ADAMTS3: variants seen among roughly 807,000 people sequenced by gnomAD.
The protein encoded by ADAMTS3 is A disintegrin and metalloproteinase with thrombospondin motifs 3.
Under a neutral mutation model 129.0 loss-of-function variants are expected in ADAMTS3, and 73 were observed. That is an observed-to-expected ratio of 0.57 (90% CI 0.47 to 0.69). The LOEUF is 0.69. Ranked by LOEUF, ADAMTS3 falls within the 30% of genes least tolerant of loss-of-function variation. ADAMTS3 has a pLI of 0.00. For missense variants in ADAMTS3, 1,457 were observed against 1,514.5 expected (o/e 0.96, Z 0.63); for synonymous variants, 477 against 510.8 (o/e 0.93, Z 0.89).
At chr4:72,292,590 T>G (rs1718702738) in intron 19 of ADAMTS3, among the ~76,000 whole-genome samples, 2 of 152,180 alleles carry the variant, frequency 1.3e-5, no homozygotes, top group African/African-American at 4.8e-5. Context: ...ACTCTCCAAA[T>G]CAGCTGTGGA....
chr4:72,412,039 T>C (rs933547607), intron 4 of ADAMTS3, among the ~76,000 whole-genome samples: 1 of 152,106 alleles, frequency 6.6e-6, no homozygotes, highest in Non-Finnish European at 1.5e-5. Flanking sequence ...GAAATGTAGC[T>C]AGCCAATTAC....
intron 4 of ADAMTS3, among the ~76,000 whole-genome samples, chr4:72,395,812 TTGTGTG>T (rs149262244): frequency 6.7e-6 from 1 of 150,354 alleles, no homozygotes; most frequent in Non-Finnish European, 1.5e-5. Context: ...AGTAGTATAT[TTGTGTG>T]TGTGTGTGTG....
chr4:72,478,246 G>T (rs1235724775), intron 3 of ADAMTS3, among the ~76,000 whole-genome samples: 1 of 152,000 alleles, frequency 6.6e-6, no homozygotes, highest in African/African-American at 2.4e-5. Context: ...CTAAAAAAGA[G>T]AATTTTAGAC....
intron 4 of ADAMTS3, among the ~76,000 whole-genome samples, chr4:72,403,491 A>G (rs1467960913): frequency 6.6e-6 from 1 of 152,088 alleles, no homozygotes; most frequent in Non-Finnish European, 1.5e-5. Flanking sequence ...AGTAGTATTA[A>G]GATCCCAAAT....
At chr4:72,339,192 A>G (rs1377054438) in intron 5 of ADAMTS3, among the ~76,000 whole-genome samples, 1 of 152,164 alleles carries the variant, frequency 6.6e-6, no homozygotes, top group Non-Finnish European at 1.5e-5. Flanking sequence ...TTATCCCCAG[A>G]ACAAAATAAA....
intron 2 of ADAMTS3, among the ~76,000 whole-genome samples, chr4:72,549,992 GA>G (rs1721581552): frequency 1.2e-4 from 1 of 8,064 alleles, no homozygotes; most frequent in African/African-American, 6.6e-4. Context: ...AGAAGAAGAA[GA>G]GGAAGAGGAA....
At chr4:72,315,791 C>A in intron 11 of ADAMTS3, 67 bp downstream of exon 11, 1 of 1,065,114 alleles carries the variant, frequency 9.4e-7, no homozygotes, top group Non-Finnish European at 1.4e-6. Flanking sequence ...TACCATTTTC[C>A]AGACCTTTAA....
chr4:72,489,895 G>A (rs993442361), intron 3 of ADAMTS3, among the ~76,000 whole-genome samples: 2 of 151,786 alleles, frequency 1.3e-5, no homozygotes, highest in African/African-American at 2.4e-5. Context: ...AAAGTAGATC[G>A]CTGGAATATA....
At chr4:72,350,628 A>T (rs558633574) in intron 4 of ADAMTS3, among the ~76,000 whole-genome samples, 64 of 152,072 alleles carry the variant, frequency 4.2e-4, no homozygotes, top group African/African-American at 1.5e-3. Flanking sequence ...TGTAAGATTT[A>T]TTAGGTGGGG....
At chr4:72,517,406 G>C (rs1386873012) in intron 3 of ADAMTS3, among the ~76,000 whole-genome samples, 1 of 152,220 alleles carries the variant, frequency 6.6e-6, no homozygotes, top group Non-Finnish European at 1.5e-5. Context: ...GTTTCAGAAA[G>C]AATGGTACCA....
intron 6 of ADAMTS3, among the ~76,000 whole-genome samples, chr4:72,322,078 A>C (rs1304133964): frequency 6.6e-6 from 1 of 152,198 alleles, no homozygotes; most frequent in Non-Finnish European, 1.5e-5. Flanking sequence ...TAATAAAATC[A>C]GTTTCCTTTT....
chr4:72,484,007 G>A (rs925040764), intron 3 of ADAMTS3, among the ~76,000 whole-genome samples: 1 of 151,808 alleles, frequency 6.6e-6, no homozygotes, highest in Non-Finnish European at 1.5e-5. Flanking sequence ...GACAGAGCAG[G>A]ACTCCGTCTC....
intron 3 of ADAMTS3, among the ~76,000 whole-genome samples, chr4:72,456,327 GTA>G (rs1718613200): frequency 6.9e-6 from 1 of 144,684 alleles, no homozygotes; most frequent in African/African-American, 2.6e-5. Context: ...TTTATATATA[GTA>G]TATATACTGT....
At chr4:72,366,567 G>A (rs1720873995) in intron 4 of ADAMTS3, among the ~76,000 whole-genome samples, 1 of 151,934 alleles carries the variant, frequency 6.6e-6, no homozygotes, top group Non-Finnish European at 1.5e-5. Context: ...TTTAACATAC[G>A]CTGTTATTTA....
chr4:72,315,178 T>C (rs1034347537), intron 11 of ADAMTS3, among the ~76,000 whole-genome samples: 6 of 152,220 alleles, frequency 3.9e-5, no homozygotes, highest in African/African-American at 1.4e-4. Flanking sequence ...CAGATCCCAC[T>C]ACCAGGGGGC....
intron 3 of ADAMTS3, among the ~76,000 whole-genome samples, chr4:72,419,276 A>C (rs1320942280): frequency 6.6e-6 from 1 of 152,200 alleles, no homozygotes; most frequent in African/African-American, 2.4e-5. Context: ...TAAGGCACAT[A>C]TATCTAGCTT....
At chr4:72,300,939 T>A (rs1718934803) in intron 17 of ADAMTS3, among the ~76,000 whole-genome samples, 1 of 152,200 alleles carries the variant, frequency 6.6e-6, no homozygotes, top group South Asian at 2.1e-4. Flanking sequence ...CTAGCCACAG[T>A]TGACAGCAAA....
Position 72,532,490 on chromosome 4 carries a change from T to TGC in ADAMTS3, c.504+15986_504+15987dup, listed in dbSNP as rs1164212250. Among the ~76,000 whole-genome samples, 11 of 80,720 alleles carry TGC rather than the reference T, an allele frequency of 1.4e-4. No individual in the cohort carries two copies. In the East Asian group the frequency reaches 2.0e-3, roughly 15 times the overall value. 53.0% of individuals were successfully genotyped at this position (80,720 alleles called of 152,430 possible). ...TCCTTCTGCTCTTAATAATTTAATATGCACACACACACACACACACACACA... is the reference window on the plus strand; with the variant it reads ...TCCTTCTGCTCTTAATAATTTAATATGCGCACACACACACACACACACACACA... On this transcript the variant is annotated intron_variant, in intron 3 of 21. Coordinates refer to ENST00000286657, the MANE Select transcript of ADAMTS3 (RefSeq NM_014243.3).
intron 5 of ADAMTS3, among the ~76,000 whole-genome samples, chr4:72,329,987 T>C (rs1897814): frequency 0.79 from 120,229 of 152,076 alleles, 47,963 homozygotes; most frequent in African/African-American, 0.88. Context: ...TCAACCAGTA[T>C]CTATAGGCTG....
Sources: allele counts gnomAD v4.1 joint callset (sites outside exome capture counted in the v4.1 genomes callset), GRCh38; gene constraint gnomAD v4.1.1; transcripts MANE v1.5; gene names NCBI Gene and HGNC (gene_info 2026-07-23, HGNC 2026-07-21).